Variants in UIMC1 observed in about 807,000 individuals in gnomAD.
UIMC1 encodes the protein ubiquitin interaction motif containing 1.
In UIMC1, 42 loss-of-function variants were observed where a neutral mutation model predicts 84.9. That is an observed-to-expected ratio of 0.49 (90% CI 0.39 to 0.64). The LOEUF is 0.64. Ranked by LOEUF, UIMC1 falls within the 30% of genes least tolerant of loss-of-function variation. UIMC1 has a pLI of 0.00. For synonymous variants in UIMC1, 281 were observed against 293.0 expected, an observed-to-expected ratio of 0.96 and a Z score of 0.42; for missense variants, 825 against 847.6, an observed-to-expected ratio of 0.97 and a Z score of 0.33.
In UIMC1 at chr5:176,956,019, TG is replaced by T; in HGVS notation, c.1278del (p.Ser427ValfsTer5). 1 of 1,613,616 alleles carries T rather than the reference TG, an allele frequency of 6.2e-7. No individual in the cohort carries two copies. The highest frequency in any genetic ancestry group is 8.5e-7 in the Non-Finnish European group (1 of 1,179,752). ...VPASQSVAAL[T>X]SKRSLVLMPE... ...GGCATAAGGACTAAGCTTCTCTTAC[TG>T]GTCAAAGCAGCAACACTGAAAGAGA... is the stretch of plus-strand genomic sequence containing the variant. On this transcript the variant is annotated frameshift_variant, in exon 8 of 15. Coordinates refer to ENST00000511320, the MANE Select transcript of UIMC1 (RefSeq NM_001199298.2). LOFTEE classifies it high-confidence loss of function.
At chr5:176,991,818 T>C (rs947403574) in intron 1 of UIMC1, among the ~76,000 whole-genome samples, 1 of 151,722 alleles carries the variant, frequency 6.6e-6, no homozygotes, top group Non-Finnish European at 1.5e-5. Context: ...TGTAGTCCCA[T>C]CTACTCGGGA....
Position 176,961,048 on chromosome 5 carries a change from G to A in UIMC1, c.1201-2894C>T, listed in dbSNP as rs1253927628. Among the ~76,000 whole-genome samples the A allele has an allele frequency of 2.9e-4, 17 of 59,250 alleles. 4 individuals are homozygous for A. The highest frequency in any genetic ancestry group is 2.9e-4 in the African/African-American group (2 of 6,944). 38.9% of individuals were successfully genotyped at this position (59,250 alleles called of 152,430 possible). On this transcript the variant is annotated intron_variant, in intron 6 of 14. Transcript: ENST00000511320. The stretch of plus-strand genomic sequence containing the variant: ...CCGAGATTGCAGCCTCTGCCCGGCC[G>A]CCACCCCGTCTGGGAAGTGAGGAGT...
In UIMC1 at chr5:176,908,522, C is replaced by T; in HGVS notation, c.1848+1G>A. On this transcript the variant is annotated splice_donor_variant, in intron 12 of 14. Transcript: ENST00000511320. LOFTEE classifies it high-confidence loss of function. ...CCTTTCCCAAAACACTCTACACATA[C>T]CTTTGGGTTCTTCAGCCTCTGCTGC... 6.2e-7 allele frequency: 1 copy of T among 1,613,078 alleles called. No individual in the cohort carries two copies. Among genetic ancestry groups the T allele is most frequent in the Non-Finnish European group, 8.5e-7 (1 of 1,179,674 alleles).
chr5:176,985,456 C>CAA (rs35535020), intron 1 of UIMC1, among the ~76,000 whole-genome samples: 4,256 of 88,460 alleles, frequency 0.048, 223 homozygotes, highest in African/African-American at 0.13. Flanking sequence ...AATTCTGTCT[C>CAA]AAAAAAAAAA....
chr5:176,974,636 A>C (rs1769772328), intron 3 of UIMC1, among the ~76,000 whole-genome samples: 1 of 152,106 alleles, frequency 6.6e-6, no homozygotes, highest in Non-Finnish European at 1.5e-5. Flanking sequence ...GCTTGAGGTC[A>C]GGAGCTGGAG....
At chr5:176,982,438 C>T (rs1771197470) in intron 2 of UIMC1, 31 bp downstream of exon 2, 1 of 1,597,802 alleles carries the variant, frequency 6.3e-7, no homozygotes, top group East Asian at 2.2e-5. Context: ...TTGAGAGCTA[C>T]AGCTCTACTT....
At chr5:177,003,723 A>G (rs1469976017) in intron 1 of UIMC1, among the ~76,000 whole-genome samples, 1 of 152,210 alleles carries the variant, frequency 6.6e-6, no homozygotes, top group African/African-American at 2.4e-5. Flanking sequence ...TAGCATGAGT[A>G]GTACTTGGCA....
rs150443863 is a variant in UIMC1, at chr5:176,957,121, C to T, written c.1262+972G>A. 6.5e-3 allele frequency among the ~76,000 whole-genome samples: 992 copies of T among 152,186 alleles called. 8 individuals carry two copies. Among genetic ancestry groups the T allele is most frequent in the African/African-American group, 0.023 (940 of 41,512 alleles). ...GGCTCACCACAATAAAGCAGAGAGG[C>T]CTATAGGGAGTAAAGGCATACTCTG... On this transcript the variant is annotated intron_variant, in intron 7 of 14. Coordinates refer to ENST00000511320, the MANE Select transcript of UIMC1 (RefSeq NM_001199298.2).
chr5:176,999,142 G>C (rs895714213), intron 1 of UIMC1, among the ~76,000 whole-genome samples: 3 of 152,188 alleles, frequency 2.0e-5, no homozygotes, highest in Admixed American at 6.5e-5. Flanking sequence ...AGTCACTCCA[G>C]ACTGAGTGAC....
chr5:176,996,865 T>C (rs1247486928), intron 1 of UIMC1, among the ~76,000 whole-genome samples: 1 of 152,062 alleles, frequency 6.6e-6, no homozygotes, highest in Non-Finnish European at 1.5e-5. Context: ...AGAAGATGAG[T>C]CAGAGATTTA....
chr5:176,940,341 C>A (rs1764258146), intron 10 of UIMC1, among the ~76,000 whole-genome samples: 1 of 152,158 alleles, frequency 6.6e-6, no homozygotes, highest in African/African-American at 2.4e-5. Flanking sequence ...AGAAGCTATC[C>A]TATACTACTC....
intron 6 of UIMC1, among the ~76,000 whole-genome samples, chr5:176,966,476 A>G (rs1482973755): frequency 6.6e-6 from 1 of 152,246 alleles, no homozygotes; most frequent in African/African-American, 2.4e-5. Context: ...CACAAGAAAG[A>G]CAGAATAACA....
intron 1 of UIMC1, among the ~76,000 whole-genome samples, chr5:176,989,810 C>CTA (rs1772540187): frequency 6.6e-6 from 1 of 152,056 alleles, no homozygotes; most frequent in African/African-American, 2.4e-5. Context: ...TAGATATGAC[C>CTA]TATCCACTAT....
rs987478557 is a variant in UIMC1 at position 177,006,759 on chromosome 5, A to G, written c.-118T>C. 5.3e-5 allele frequency: 8 copies of G among 152,126 alleles called. No homozygotes were observed. The East Asian group carries it at 5.8e-4, about 11-fold the overall frequency. 9.4% of individuals were successfully genotyped at this position (152,126 alleles called of 1,614,324 possible). On this transcript the variant is annotated 5_prime_UTR_variant, in exon 1 of 15. Transcript: ENST00000511320. ...GAGGGGCGCGCGCGTCCGATGCCAG[A>G]GACACGCTCTCGGGGCGGGCGCAGG...
chr5:176,986,412 C>T (rs1356019654), intron 1 of UIMC1, among the ~76,000 whole-genome samples: 2 of 139,154 alleles, frequency 1.4e-5, no homozygotes, highest in Admixed American at 7.5e-5. Flanking sequence ...TGAGCACCTA[C>T]AGTCCCAGCT....
chr5:176,979,217 A>G (rs1770628591), intron 2 of UIMC1, among the ~76,000 whole-genome samples: 1 of 152,232 alleles, frequency 6.6e-6, no homozygotes, highest in Non-Finnish European at 1.5e-5. Flanking sequence ...CTAATCACCA[A>G]TACTTAGTTT....
chr5:176,974,663 T>C (rs563198952), intron 3 of UIMC1, among the ~76,000 whole-genome samples: 246 of 151,992 alleles, frequency 1.6e-3, no homozygotes, highest in African/African-American at 5.7e-3. Flanking sequence ...CTGGCAAACA[T>C]TAGCAGAGTG....
At chr5:176,934,375 G>A (rs1193868300) in intron 10 of UIMC1, among the ~76,000 whole-genome samples, 2 of 152,136 alleles carry the variant, frequency 1.3e-5, no homozygotes, top group Non-Finnish European at 2.9e-5. Context: ...TAGATCAAAG[G>A]AGTCAGAGTA....
In UIMC1 at chr5:176,906,056, T is replaced by C; in HGVS notation, c.1913-9A>G. On this transcript the variant is annotated splice_polypyrimidine_tract_variant and intron_variant, in intron 13 of 14. Transcript: ENST00000511320. ...AGACTTGATGTCTGCATCTGTGATA[T>C]AAAAGAAAAAATAATAATGTTGGTA... The C allele has an allele frequency of 1.2e-6, 2 of 1,613,426 alleles. No individual in the cohort carries two copies. The highest frequency in any genetic ancestry group is 1.7e-6 in the Non-Finnish European group (2 of 1,179,728).
Sources: allele counts gnomAD v4.1 joint callset (sites outside exome capture counted in the v4.1 genomes callset), GRCh38; gene constraint gnomAD v4.1.1; transcripts MANE v1.5; gene names NCBI Gene and HGNC (gene_info 2026-07-23, HGNC 2026-07-21).